The following NAV2 variants were observed in gnomAD, a reference collection of about 807,000 sequenced individuals.
The protein encoded by NAV2 is helicase, APC down-regulated 1.
NAV2 carries 54 observed loss-of-function variants against 223.2 expected under a neutral mutation model. The observed-to-expected ratio is 0.24, with a 90% confidence interval of 0.19 to 0.30. The LOEUF (loss-of-function observed/expected upper bound fraction) is 0.30. Among genes scored for constraint, NAV2 ranks in the 10% least tolerant of loss-of-function variants. The probability of loss-of-function intolerance (pLI) is 1.00; values close to 1 mark genes in which losing one functional copy is unlikely to be tolerated. For synonymous variants in NAV2, 1,279 were observed against 1,239.3 expected, an observed-to-expected ratio of 1.03 and a Z score of -0.67; for missense variants, 2,806 against 3,147.5, an observed-to-expected ratio of 0.89 and a Z score of 2.60.
chr11:19,514,017 C>T (rs2043361731), intron 1 of NAV2, among the ~76,000 whole-genome samples: 1 of 152,226 alleles, frequency 6.6e-6, no homozygotes, highest in African/African-American at 2.4e-5. Flanking sequence ...CAATAAATGT[C>T]TGTTCCTTTA....
intron 1 of NAV2, among the ~76,000 whole-genome samples, chr11:19,410,566 G>T (rs1850102832): frequency 6.6e-6 from 1 of 152,132 alleles, no homozygotes; most frequent in Admixed American, 6.6e-5. Flanking sequence ...CTGTACTCCT[G>T]GCCACTACAT....
intron 11 of NAV2, among the ~76,000 whole-genome samples, chr11:20,004,372 A>C (rs1218827811): frequency 6.6e-6 from 1 of 152,104 alleles, no homozygotes; most frequent in Non-Finnish European, 1.5e-5. Context: ...CTTTCTGTCA[A>C]ATGGGCATGT....
At chr11:19,359,830 G>T (rs750331633) in intron 1 of NAV2, among the ~76,000 whole-genome samples, 14 of 152,134 alleles carry the variant, frequency 9.2e-5, no homozygotes, top group Non-Finnish European at 1.8e-4. Flanking sequence ...TGGCTGTCGG[G>T]TCACTTCTCT....
chr11:19,544,607 A>T (rs1219126881), intron 1 of NAV2, among the ~76,000 whole-genome samples: 1 of 152,192 alleles, frequency 6.6e-6, no homozygotes, highest in Non-Finnish European at 1.5e-5. Flanking sequence ...GGGGTACAGA[A>T]TTCATCCTCT....
Position 20,048,811 on chromosome 11 carries a change from A to T in NAV2, c.3986A>T (p.His1329Leu). ...AATTCGGTGGTCATCTCCAATCCTC[A>T]TGCCACCATGACTCAGCAAGGTAAC... ...MKNSVVISNP[H>L]ATMTQQGNLD... is the part of the protein sequence containing the mutation. Residue 1329 changes from histidine to leucine, a missense_variant, in exon 15 of 38, where the codon CAT becomes CTT. By Grantham distance (99) the His-to-Leu change is moderately conservative (BLOSUM62 -3). Transcript: ENST00000349880. 6.2e-7 allele frequency: 1 copy of T among 1,614,102 alleles called. No homozygotes were observed. Among genetic ancestry groups the T allele is most frequent in the Non-Finnish European group, 8.5e-7 (1 of 1,180,010 alleles).
intron 11 of NAV2, among the ~76,000 whole-genome samples, chr11:19,987,119 CTT>C (rs1408878837): frequency 6.6e-6 from 1 of 152,042 alleles, no homozygotes; most frequent in Non-Finnish European, 1.5e-5. Context: ...ATAGTGTAGA[CTT>C]GAGACAATTT....
intron 1 of NAV2, among the ~76,000 whole-genome samples, chr11:19,524,994 C>T (rs570618350): frequency 4.6e-5 from 7 of 152,086 alleles, no homozygotes; most frequent in Admixed American, 2.0e-4. Context: ...CTGTTAATCC[C>T]GGGTTTGAAA....
intron 36 of NAV2, 22 bp downstream of exon 36, chr11:20,107,804 C>A: frequency 6.5e-7 from 1 of 1,533,290 alleles, no homozygotes; most frequent in Non-Finnish European, 9.0e-7. Context: ...CCCCTGCTGG[C>A]TTCCTTGAAG....
chr11:19,571,754 T>G (rs1420616475), intron 1 of NAV2, among the ~76,000 whole-genome samples: 1 of 152,174 alleles, frequency 6.6e-6, no homozygotes. Flanking sequence ...TTATGTCGAT[T>G]TTACTTTCAT....
intron 1 of NAV2, among the ~76,000 whole-genome samples, chr11:19,632,445 G>A (rs1019794414): frequency 3.3e-5 from 5 of 151,960 alleles, no homozygotes; most frequent in South Asian, 2.1e-4. Context: ...TTGTCTAGGT[G>A]GGAGTTATTC....
chr11:20,027,996 G>A (rs2153549343), intron 11 of NAV2, among the ~76,000 whole-genome samples: 1 of 152,222 alleles, frequency 6.6e-6, no homozygotes, highest in Non-Finnish European at 1.5e-5. Flanking sequence ...ATTAATTCAG[G>A]ACCATTACAG....
intron 10 of NAV2, among the ~76,000 whole-genome samples, chr11:19,963,158 G>A (rs1442554980): frequency 6.6e-6 from 1 of 152,188 alleles, no homozygotes; most frequent in African/African-American, 2.4e-5. Flanking sequence ...GTCGCTAACT[G>A]CTTTGGAGAG....
At position 19,933,934 on chromosome 11, in the gene NAV2, A is replaced by C; in HGVS notation, c.1690A>C (p.Ile564Leu). 1 of 1,593,650 alleles carries C rather than the reference A, an allele frequency of 6.3e-7. No individual in the cohort carries two copies. The highest frequency in any genetic ancestry group is 1.1e-5 in the South Asian group (1 of 88,096). ...GCCCATGGCCCCTTCCCACAGTGGA[A>C]TACCAAAACCAGGAATGAAAAGCAT... The part of the protein sequence containing the change: ...KEPMAPSHSG[I>L]PKPGMKSMPG... The change falls in exon 7 of 38, where the codon ATA (isoleucine) becomes CTA (leucine). Residue 564 changes from isoleucine (I) to leucine (L), a missense_variant. Ile to Leu is a conservative substitution (Grantham distance 5, BLOSUM62 2). Around this residue, in one of 4 missense-constraint regions of NAV2, gnomAD observed 1,167 missense variants for 1,180.5 expected, o/e 0.99. Coordinates refer to ENST00000349880, the MANE Select transcript of NAV2 (RefSeq NM_145117.5). The surrounding 1 kb of genome is among the most constrained non-coding windows in gnomAD (Gnocchi z 4.3).
chr11:20,106,179 GTGTGTATATATA>G (rs2062045882), intron 35 of NAV2, among the ~76,000 whole-genome samples: 2 of 14,688 alleles, frequency 1.4e-4, no homozygotes, highest in African/African-American at 2.8e-4. Flanking sequence ...ATATATATGT[GTGTGTATATATA>G]TATATATATA....
At chr11:20,018,372 A>AT in intron 11 of NAV2, among the ~76,000 whole-genome samples, 1 of 151,734 alleles carries the variant, frequency 6.6e-6, no homozygotes, top group Non-Finnish European at 1.5e-5. Context: ...AAAAAAAAAA[A>AT]AAGTGAAACT....
At chr11:19,986,283 T>C (rs566032839) in intron 11 of NAV2, among the ~76,000 whole-genome samples, 31 of 152,328 alleles carry the variant, frequency 2.0e-4, no homozygotes, top group Admixed American at 1.8e-3. Flanking sequence ...CAATGTCCTT[T>C]GGTTCTCTCC....
chr11:19,952,216 A>T (rs1439464059), intron 10 of NAV2, among the ~76,000 whole-genome samples: 1 of 152,206 alleles, frequency 6.6e-6, no homozygotes, highest in African/African-American at 2.4e-5. Flanking sequence ...TGAATAAGGC[A>T]TTGTTGAGGC....
chr11:19,775,011 CTTGCA>C (rs1431438371), intron 1 of NAV2, among the ~76,000 whole-genome samples: 1 of 152,140 alleles, frequency 6.6e-6, no homozygotes, highest in Admixed American at 6.5e-5. Flanking sequence ...AATCCCTGAT[CTTGCA>C]GTATTTTCAC....
At chr11:19,927,147 A>T (rs2044836113) in intron 6 of NAV2, among the ~76,000 whole-genome samples, 1 of 152,180 alleles carries the variant, frequency 6.6e-6, no homozygotes, top group African/African-American at 2.4e-5. Context: ...TTTTCTTCAA[A>T]GCCATCCTGT....
Sources: allele counts gnomAD v4.1 joint callset (sites outside exome capture counted in the v4.1 genomes callset), GRCh38; gene constraint gnomAD v4.1.1; regional missense constraint gnomAD v4.1.1; non-coding constraint Gnocchi (gnomAD v3.1); transcripts MANE v1.5; gene names NCBI Gene and HGNC (gene_info 2026-07-23, HGNC 2026-07-21).